Variants in SUPT3H observed in about 807,000 individuals in gnomAD.
The protein encoded by SUPT3H is SPT3 homolog, SAGA and STAGA complex component.
A neutral mutation model predicts 44.3 loss-of-function variants in SUPT3H; 44 were observed. The ratio of observed to expected loss-of-function variants is 0.99; its 90% CI spans 0.78 to 1.28. SUPT3H has a LOEUF of 1.28. Ranked by LOEUF, SUPT3H falls within the 50% of genes most tolerant of loss-of-function variation. The pLI is 0.00. For missense variants in SUPT3H, 380 were observed against 387.1 expected (o/e 0.98, Z 0.15); for synonymous variants, 124 against 125.6 (o/e 0.99, Z 0.09).
chr6:45,204,918 T>C (rs1292180088), intron 2 of SUPT3H, among the ~76,000 whole-genome samples: 2 of 152,210 alleles, frequency 1.3e-5, no homozygotes, highest in East Asian at 3.8e-4. Flanking sequence ...CCCTTCTTAT[T>C]CCTGAAATTA....
intron 6 of SUPT3H, among the ~76,000 whole-genome samples, chr6:45,002,911 C>T (rs979946639): frequency 2.6e-5 from 4 of 151,950 alleles, no homozygotes; most frequent in Non-Finnish European, 5.9e-5. Flanking sequence ...CCTCCATTGC[C>T]CAACTGAAAG....
chr6:45,084,977 G>A (rs1296002945), intron 3 of SUPT3H, among the ~76,000 whole-genome samples: 3 of 149,296 alleles, frequency 2.0e-5, no homozygotes, highest in Admixed American at 6.6e-5. Flanking sequence ...GAGGGAGGGA[G>A]GGGGCCAAGG....
chr6:45,063,739 C>T (rs556632319), intron 3 of SUPT3H, among the ~76,000 whole-genome samples: 1,255 of 125,012 alleles, frequency 0.01, 13 homozygotes, highest in South Asian at 0.028. Flanking sequence ...TGAAATGAAG[C>T]GAGAAGGGAA....
chr6:44,863,939 A>G (rs1417574405), intron 10 of SUPT3H, among the ~76,000 whole-genome samples: 1 of 151,830 alleles, frequency 6.6e-6, no homozygotes, highest in Admixed American at 6.6e-5. Flanking sequence ...AACTGCCCCC[A>G]TGATTCAATT....
chr6:45,355,399 A>G (rs1792964780), intron 2 of SUPT3H, among the ~76,000 whole-genome samples: 1 of 150,574 alleles, frequency 6.6e-6, no homozygotes, highest in Non-Finnish European at 1.5e-5. Flanking sequence ...TTCATTTATT[A>G]TAGAATAAAA....
intron 3 of SUPT3H, among the ~76,000 whole-genome samples, chr6:45,038,884 A>C (rs138755784): frequency 5.6e-4 from 86 of 152,312 alleles, no homozygotes; most frequent in African/African-American, 1.9e-3. Flanking sequence ...ATTGCATGGC[A>C]CTGATTTTTA....
At chr6:45,212,481 ATG>A (rs11269206) in intron 2 of SUPT3H, among the ~76,000 whole-genome samples, 1,751 of 42,762 alleles carry the variant, frequency 0.041, 27 homozygotes, top group Middle Eastern at 0.083. Flanking sequence ...CACCTCCACT[ATG>A]TGTGTGTGTG....
intron 2 of SUPT3H, among the ~76,000 whole-genome samples, chr6:45,214,682 A>G (rs1764735523): frequency 6.6e-6 from 1 of 152,094 alleles, no homozygotes; most frequent in Admixed American, 6.6e-5. Context: ...TCCCATCTCT[A>G]AAATAATTTA....
chr6:45,153,226 G>A (rs908153651), intron 2 of SUPT3H, among the ~76,000 whole-genome samples: 4 of 152,056 alleles, frequency 2.6e-5, no homozygotes, highest in African/African-American at 9.7e-5. Flanking sequence ...GTATCTGTTT[G>A]TTGTCTACTT....
At chr6:44,858,163 T>A (rs1220859300) in intron 10 of SUPT3H, among the ~76,000 whole-genome samples, 2 of 152,164 alleles carry the variant, frequency 1.3e-5, no homozygotes, top group African/African-American at 4.8e-5. Context: ...CACTACATTA[T>A]AATTGAACCT....
chr6:44,851,578 C>T (rs1765154082), intron 10 of SUPT3H, among the ~76,000 whole-genome samples: 1 of 152,160 alleles, frequency 6.6e-6, no homozygotes, highest in Admixed American at 6.5e-5. Flanking sequence ...TCCTAGGTCT[C>T]CTTGGAGAAA....
chr6:44,811,150 A>C (rs1001180591), intron 11 of SUPT3H, among the ~76,000 whole-genome samples: 3 of 152,276 alleles, frequency 2.0e-5, no homozygotes, highest in Non-Finnish European at 2.9e-5. Context: ...AGGATGCCAC[A>C]TTACATTTAT....
At chr6:45,235,332 T>C (rs997838842) in intron 2 of SUPT3H, among the ~76,000 whole-genome samples, 2 of 152,168 alleles carry the variant, frequency 1.3e-5, no homozygotes, top group Non-Finnish European at 2.9e-5. Context: ...GTACTGTACA[T>C]AAATATGTCT....
chr6:45,356,909 C>A (rs1419946371), intron 2 of SUPT3H, among the ~76,000 whole-genome samples: 1 of 152,186 alleles, frequency 6.6e-6, no homozygotes, highest in Non-Finnish European at 1.5e-5. Context: ...ACAGAATTTA[C>A]TGTAACGAGG....
intron 2 of SUPT3H, among the ~76,000 whole-genome samples, chr6:45,242,838 G>T (rs1366942427): frequency 2.0e-5 from 3 of 152,008 alleles, no homozygotes; most frequent in Non-Finnish European, 2.9e-5. Flanking sequence ...CAGAAGAAAA[G>T]TCAATAGAAA....
Position 45,095,257 on chromosome 6 carries a change from A to AT in SUPT3H, c.186+10664dup, listed in dbSNP as rs1223716733. On this transcript the variant is annotated intron_variant, in intron 3 of 10. Transcript: ENST00000371459. This position sits in a 1 kb window ranked among gnomAD's most constrained non-coding sequence, Gnocchi z 4.1. The stretch of plus-strand genomic sequence containing the variant: ...ATCACAAATTATATTAGTTTGTCCT[A>AT]TTTTGATAACCCTTATAATTGAAAT... Among the ~76,000 whole-genome samples the AT allele has an allele frequency of 2.6e-5, 4 of 152,098 alleles. No homozygotes were observed. The highest frequency in any genetic ancestry group is 9.7e-5 in the African/African-American group (4 of 41,410).
At chr6:45,052,917 T>G (rs1339080934) in intron 3 of SUPT3H, among the ~76,000 whole-genome samples, 1 of 151,384 alleles carries the variant, frequency 6.6e-6, no homozygotes, top group Non-Finnish European at 1.5e-5. Context: ...AAGGTATGTG[T>G]GATATGAGAG....
chr6:44,901,159 C>T (rs1053852516), intron 10 of SUPT3H, among the ~76,000 whole-genome samples: 1 of 151,044 alleles, frequency 6.6e-6, no homozygotes, highest in Non-Finnish European at 1.5e-5. Context: ...AGCAACAGAA[C>T]AAAGCTGGAT....
chr6:45,084,252 G>A (rs1796199126), intron 3 of SUPT3H, among the ~76,000 whole-genome samples: 1 of 152,130 alleles, frequency 6.6e-6, no homozygotes, highest in African/African-American at 2.4e-5. Flanking sequence ...ATGCGACAAA[G>A]GTCTACGTCT....
Sources: gnomAD v4.1 joint callset for allele counts (sites outside exome capture counted in the v4.1 genomes callset) on GRCh38, gnomAD v4.1.1 for gene constraint, Gnocchi (gnomAD v3.1) non-coding constraint, MANE v1.5 for transcripts, NCBI Gene and HGNC (gene_info 2026-07-23, HGNC 2026-07-21) for gene names.